Variants in EED observed in about 807,000 individuals in gnomAD.
The protein encoded by EED is embryonic ectoderm development, also known as polycomb protein EED.
A neutral mutation model predicts 61.0 loss-of-function variants in EED; 9 were observed. That is an observed-to-expected ratio of 0.15 (90% CI 0.09 to 0.26). EED has a LOEUF of 0.26. Ranked by LOEUF, EED falls within the 10% of genes least tolerant of loss-of-function variation. EED has a pLI of 1.00. For missense variants in EED, 315 were observed against 542.3 expected, an observed-to-expected ratio of 0.58 and a Z score of 4.16; for synonymous variants, 187 against 174.4, an observed-to-expected ratio of 1.07 and a Z score of -0.57.
downstream of EED, among the ~76,000 whole-genome samples, chr11:86,281,529 T>G (rs1946323069): frequency 1.3e-5 from 2 of 152,202 alleles, no homozygotes; most frequent in South Asian, 2.1e-4. Flanking sequence ...GTTGTTGGTT[T>G]GCGATCTTTT....
chr11:86,275,755 C>T (rs1248397259), intron 9 of EED, among the ~76,000 whole-genome samples: 3 of 152,162 alleles, frequency 2.0e-5, no homozygotes, highest in African/African-American at 7.2e-5. Context: ...TGAGAAAACT[C>T]CACAGACTAT....
intron 9 of EED, among the ~76,000 whole-genome samples, chr11:86,271,235 TAA>T (rs1270007534): frequency 6.6e-6 from 1 of 152,224 alleles, no homozygotes; most frequent in African/African-American, 2.4e-5. Flanking sequence ...TTTTAGCATA[TAA>T]GTCCCATTTT....
At chr11:86,281,600 A>T (rs1340483063), downstream of EED, among the ~76,000 whole-genome samples, 1 of 152,078 alleles carries the variant, frequency 6.6e-6, no homozygotes, top group African/African-American at 2.4e-5. Flanking sequence ...TGCATCCCAT[A>T]AGTTTTGACA....
At chr11:86,280,185 G>C (rs1174657914), downstream of EED, among the ~76,000 whole-genome samples, 1 of 152,172 alleles carries the variant, frequency 6.6e-6, no homozygotes, top group Non-Finnish European at 1.5e-5. Context: ...CTGTCTCCCA[G>C]GCTCAAGTGA....
intron 9 of EED, 134 bp downstream of exon 9, chr11:86,268,695 G>A (rs1395820553): frequency 2.0e-5 from 10 of 504,506 alleles, no homozygotes; most frequent in Non-Finnish European, 3.1e-5. Flanking sequence ...ATGGCAGCTG[G>A]GAAGTTGCCT....
intron 4 of EED, 58 bp from the exon 5 acceptor site, chr11:86,256,329 A>C: frequency 7.0e-7 from 1 of 1,435,802 alleles, no homozygotes; most frequent in Non-Finnish European, 9.3e-7. Flanking sequence ...TTCTATTATA[A>C]TTATTGACAT....
intron 7 of EED, chr11:86,264,518 C>G (rs1945926448): frequency 9.5e-6 from 3 of 316,600 alleles, no homozygotes; most frequent in East Asian, 5.1e-5. Flanking sequence ...TGATCTTGCT[C>G]CTTTCCTTTT....
chr11:86,253,934 G>A (rs113750642), intron 3 of EED, among the ~76,000 whole-genome samples: 44,128 of 150,616 alleles, frequency 0.29, 6,801 homozygotes, highest in Non-Finnish European at 0.36. Context: ...TGTAATCTCA[G>A]CTACACGGGA....
intron 8 of EED, chr11:86,267,898 CA>C (rs1242114126): frequency 6.6e-6 from 1 of 151,714 alleles, no homozygotes; most frequent in African/African-American, 2.4e-5. Context: ...CCACCGCACC[CA>C]CCCCCACTTA....
At chr11:86,262,315 CTG>C (rs1366402528) in intron 6 of EED, among the ~76,000 whole-genome samples, 2 of 152,194 alleles carry the variant, frequency 1.3e-5, no homozygotes, top group Non-Finnish European at 2.9e-5. Flanking sequence ...CCATGCATCA[CTG>C]TGAATGCTTT....
intron 6 of EED, among the ~76,000 whole-genome samples, chr11:86,258,083 C>G (rs1228468931): frequency 1.3e-5 from 2 of 152,006 alleles, no homozygotes; most frequent in African/African-American, 4.8e-5. Flanking sequence ...TTTTCCTGAT[C>G]TTCTTACTCC....
downstream of EED, among the ~76,000 whole-genome samples, chr11:86,279,015 C>T (rs899798066): frequency 7.9e-5 from 12 of 152,108 alleles, no homozygotes; most frequent in South Asian, 2.1e-4. Context: ...TCAAATGATT[C>T]GTTATGTGTG....
At chr11:86,277,786 A>G in intron 10 of EED, 132 bp from the exon 11 acceptor site, 2 of 765,854 alleles carry the variant, frequency 2.6e-6, no homozygotes, top group Non-Finnish European at 3.7e-6. Context: ...ATAAGACCCA[A>G]AGAAATAGCC....
chr11:86,283,425 T>A (rs1946345630), downstream of EED, among the ~76,000 whole-genome samples: 1 of 152,220 alleles, frequency 6.6e-6, no homozygotes, highest in Non-Finnish European at 1.5e-5. Context: ...TATCACCTAC[T>A]ATACTGCGTA....
At chr11:86,281,961 GTTGT>G (rs1294514976), downstream of EED, among the ~76,000 whole-genome samples, 1 of 152,166 alleles carries the variant, frequency 6.6e-6, no homozygotes, top group Non-Finnish European at 1.5e-5. Flanking sequence ...ACAAGACAGG[GTTGT>G]TTTTCTTAAC....
rs10898454 is a variant in EED at position 86,250,604 on chromosome 11, G to A, written c.267+156G>A. On this transcript the variant is annotated intron_variant, in intron 2 of 11. Transcript: ENST00000263360. ...TTTTTTTTTTTGTAGTTCAGACTGC[G>A]TATCTATTTTAGTCCATCCCATGTT... is the stretch of plus-strand genomic sequence containing the variant. Among the ~76,000 whole-genome samples, 48,874 of 151,358 alleles carry A rather than the reference G, an allele frequency of 0.32. 7,947 individuals carry two copies. Among genetic ancestry groups the A allele is most frequent in the Non-Finnish European group, 0.36 (24,572 of 67,734 alleles).
intron 1 of EED, 79 bp downstream of exon 1, chr11:86,245,422 G>C: frequency 1.7e-6 from 2 of 1,201,732 alleles, no homozygotes; most frequent in Non-Finnish European, 2.4e-6. Flanking sequence ...GCGGGGACGA[G>C]CGGGCTGCTG....
the EED span, among the ~76,000 whole-genome samples, chr11:86,286,427 C>A: frequency 1.3e-5 from 2 of 152,138 alleles, no homozygotes; most frequent in African/African-American, 4.8e-5. Context: ...TTGAGTATAT[C>A]ATCTACTACA....
chr11:86,258,660 A>AT (rs1478465349), intron 6 of EED, among the ~76,000 whole-genome samples: 1 of 148,452 alleles, frequency 6.7e-6, no homozygotes, highest in Non-Finnish European at 1.5e-5. Context: ...GGTTTAAGAG[A>AT]TTCTCCTGCC....
Sources: gnomAD v4.1 joint callset for allele counts (sites outside exome capture counted in the v4.1 genomes callset) on GRCh38, gnomAD v4.1.1 for gene constraint, MANE v1.5 for transcripts, NCBI Gene and HGNC (gene_info 2026-07-23, HGNC 2026-07-21) for gene names.